PSMD2: variants seen among roughly 807,000 people sequenced by gnomAD.
PSMD2 encodes 26S proteasome non-ATPase regulatory subunit 2.
Under a neutral mutation model 101.5 loss-of-function variants are expected in PSMD2, and 8 were observed. The observed-to-expected ratio is 0.08, with a 90% CI of 0.05 to 0.14. The LOEUF (loss-of-function observed/expected upper bound fraction) is 0.14. Ranked by LOEUF, PSMD2 falls within the 10% of genes least tolerant of loss-of-function variation. The probability of loss-of-function intolerance (pLI) is 1.00; values close to 1 mark genes in which losing one functional copy is unlikely to be tolerated. For synonymous variants in PSMD2, 418 were observed against 433.8 expected (o/e 0.96, Z 0.45); for missense variants, 784 against 1,147.4 (o/e 0.68, Z 4.58).
At chr3:184,307,117 G>A (rs1651415646) in intron 16 of PSMD2, among the ~76,000 whole-genome samples, 2 of 151,772 alleles carry the variant, frequency 1.3e-5, no homozygotes, top group Admixed American at 1.3e-4. Flanking sequence ...GCTAATTTTT[G>A]TATTTTTAGT....
rs368226594 is a variant in PSMD2 at position 184,307,993 on chromosome 3, T to A, written c.2402T>A (p.Val801Asp). 3.7e-6 allele frequency: 6 copies of A among 1,613,990 alleles called. No homozygotes were observed. Among genetic ancestry groups the A allele is most frequent in the Non-Finnish European group, 5.1e-6 (6 of 1,180,030 alleles). Residue 801 changes from valine (V) to aspartate (D), a missense_variant, in exon 19 of 21, where the codon GTC becomes GAC. Transcript: ENST00000310118. ...VAVAGLLTVL[V>D]SFLDVRNIIL... is the part of the protein sequence containing the mutation. ...GTGGCTGGACTGCTCACTGTGCTTG[T>A]CTCTTTCCTGGATGTTCGAAACAGT...
chr3:184,308,570 G>A lies in PSMD2; in HGVS notation c.2544+3G>A. ...CAGTGTCTGTCCGTGTGGGCCAGGT[G>A]AGAGGCTGAGTAGAGGGGAGGGCTC... On this transcript the variant is annotated splice_donor_region_variant and intron_variant, in intron 20 of 20. Coordinates refer to ENST00000310118, the MANE Select transcript of PSMD2 (RefSeq NM_002808.5). The surrounding 1 kb of genome is among the most constrained non-coding windows in gnomAD (Gnocchi z 6.0). The A allele has an allele frequency of 6.2e-7, 1 of 1,610,314 alleles. No homozygotes were observed. Among genetic ancestry groups the A allele is most frequent in the Non-Finnish European group, 8.5e-7 (1 of 1,176,742 alleles).
intron 1 of PSMD2, 139 bp downstream of exon 1, chr3:184,299,540 C>G (rs745546156): frequency 5.2e-6 from 6 of 1,150,672 alleles, no homozygotes; most frequent in Non-Finnish European, 6.8e-6. Flanking sequence ...ACTCCCGGCA[C>G]CTTGCCTCTC....
intron 3 of PSMD2, 25 bp from the exon 4 acceptor site, chr3:184,301,512 C>T (rs1169439632): frequency 6.2e-7 from 1 of 1,612,104 alleles, no homozygotes; most frequent in African/African-American, 1.3e-5. Flanking sequence ...CTGGGTTTGA[C>T]TTCAAAGAAC....
rs1721723672 is a variant in PSMD2 at position 184,303,551 on chromosome 3, A to G, written c.1216+85A>G. 3.1e-6 allele frequency: 5 copies of G among 1,605,380 alleles called. No homozygotes were observed. In the Admixed American group the frequency reaches 8.4e-5, roughly 27 times the overall value. On this transcript the variant is annotated intron_variant, in intron 9 of 20. Transcript: ENST00000310118. ...GGAGTCATAAGTTATCTGACAAGGG[A>G]TCCACCATGCAGTTCTTTGGAGAGC...
chr3:184,305,672 A>C, intron 12 of PSMD2, 96 bp from the exon 13 acceptor site: 2 of 1,105,512 alleles, frequency 1.8e-6, no homozygotes, highest in Non-Finnish European at 2.6e-6. Flanking sequence ...ATTAGGGAGA[A>C]TATCTTGCAG....
intron 17 of PSMD2, 36 bp from the exon 18 acceptor site, chr3:184,307,578 C>T (rs376314563): frequency 1.4e-4 from 230 of 1,613,848 alleles, no homozygotes; most frequent in Non-Finnish European, 1.8e-4. Flanking sequence ...GATTTGAAGC[C>T]CCTTTTTTCA....
intron 8 of PSMD2, 63 bp from the exon 9 acceptor site, chr3:184,303,255 CTG>C (rs1721710279): frequency 1.9e-6 from 3 of 1,572,292 alleles, no homozygotes; most frequent in Middle Eastern, 2.1e-4. Context: ...AGTTGCCATG[CTG>C]TGTTTCTTTC....
In PSMD2 at chr3:184,303,752, T is replaced by G; in HGVS notation, c.1323+3T>G. 1.2e-6 allele frequency: 2 copies of G among 1,614,064 alleles called. No homozygotes were observed. The highest frequency in any genetic ancestry group is 1.7e-6 in the Non-Finnish European group (2 of 1,179,858). On this transcript the variant is annotated splice_donor_region_variant and intron_variant, in intron 10 of 20. Coordinates refer to ENST00000310118, the MANE Select transcript of PSMD2 (RefSeq NM_002808.5). ...ACTCCTCTGAGGACTACATTAAGGT[T>G]GGTCTGCATACAGCCTGCTCATGGG... is the stretch of plus-strand genomic sequence containing the variant.
At chr3:184,307,277 T>C (rs1046080203) in intron 16 of PSMD2, 80 bp from the exon 17 acceptor site, 13 of 1,497,856 alleles carry the variant, frequency 8.7e-6, no homozygotes, top group Non-Finnish European at 1.2e-5. Flanking sequence ...AAGGCCCCCT[T>C]TTACCCATCA....
intron 8 of PSMD2, 43 bp from the exon 9 acceptor site, chr3:184,303,277 C>T (rs1460477120): frequency 6.3e-7 from 1 of 1,596,458 alleles, no homozygotes; most frequent in Non-Finnish European, 8.5e-7. Flanking sequence ...CCTGTCCTAC[C>T]TGAAACCTTC....
rs766568572 is a variant in PSMD2 at position 184,302,669 on chromosome 3, C to G, written c.864-10C>G. On this transcript the variant is annotated splice_polypyrimidine_tract_variant and intron_variant, in intron 6 of 20. Coordinates refer to ENST00000310118, the MANE Select transcript of PSMD2 (RefSeq NM_002808.5). Reference sequence around the variant, plus strand: ...ACAGTGATGAGCAGATGTACGGGCTCTCTCCACAGGGTAGTACAGAAACAG... The same window carrying G: ...ACAGTGATGAGCAGATGTACGGGCTGTCTCCACAGGGTAGTACAGAAACAG... The G allele has an allele frequency of 2.2e-5, 35 of 1,613,956 alleles. No individual in the cohort carries two copies. Among genetic ancestry groups the G allele is most frequent in the Non-Finnish European group, 2.7e-5 (32 of 1,180,034 alleles).
chr3:184,300,295 C>T lies in PSMD2; in HGVS notation c.208C>T (p.Leu70=), dbSNP rs752474741. 1.2e-6 allele frequency: 2 copies of T among 1,613,834 alleles called. No individual in the cohort carries two copies. Among genetic ancestry groups the T allele is most frequent in the South Asian group, 1.1e-5 (1 of 91,066 alleles). The part of the protein sequence containing the change: ...VERLGEKDTS[L]YRPALEELRR... The stretch of plus-strand genomic sequence containing the variant: ...TCTTGATCAGGAGAAGGATACATCC[C>T]TGTATCGACCAGCGCTGGAGGAATT... Residue 70 remains leucine, a synonymous_variant, in exon 3 of 21, where the codon CTG becomes TTG. Transcript: ENST00000310118.
chr3:184,300,299 A>G lies in PSMD2; in HGVS notation c.212A>G (p.Tyr71Cys), dbSNP rs1577154880. The G allele has an allele frequency of 1.1e-5, 17 of 1,613,934 alleles. No homozygotes were observed. The East Asian group carries it at 2.0e-4, about 19-fold the overall frequency. ...GATCAGGAGAAGGATACATCCCTGT[A>G]TCGACCAGCGCTGGAGGAATTGCGA... ...ERLGEKDTSL[Y>C]RPALEELRRQ... Residue 71 changes from tyrosine to cysteine, a missense_variant, in exon 3 of 21, where the codon TAT becomes TGT. Coordinates refer to ENST00000310118, the MANE Select transcript of PSMD2 (RefSeq NM_002808.5).
At chr3:184,300,755 C>A in intron 3 of PSMD2, 1 of 737,764 alleles carries the variant, frequency 1.4e-6, no homozygotes, top group Non-Finnish European at 1.7e-6. Flanking sequence ...AAATATGTTC[C>A]ACATTCAGTC....
intron 3 of PSMD2, 66 bp downstream of exon 3, chr3:184,300,510 G>C (rs540501684): frequency 3.9e-6 from 6 of 1,554,890 alleles, no homozygotes; most frequent in Non-Finnish European, 4.4e-6. Context: ...ATCATGGGGG[G>C]ACTCATTGTG....
chr3:184,301,476 A>G (rs1232090099), intron 3 of PSMD2, 61 bp from the exon 4 acceptor site: 2 of 1,593,584 alleles, frequency 1.3e-6, no homozygotes, highest in African/African-American at 1.3e-5. Context: ...TGATTCCACA[A>G]TGCATGCTCC....
At chr3:184,306,635 A>T in intron 15 of PSMD2, 116 bp from the exon 16 acceptor site, 1 of 1,516,682 alleles carries the variant, frequency 6.6e-7, no homozygotes, top group East Asian at 2.3e-5. Context: ...TTCTGTATGT[A>T]AGGGGTAAAG....
At position 184,301,560 on chromosome 3, in the gene PSMD2, C is replaced by T. The variant is rs374854311; in HGVS notation, c.381C>T (p.Ser127=). Residue 127 remains serine (S), a synonymous_variant, in exon 4 of 21, where the codon TCC becomes TCT. Coordinates refer to ENST00000310118, the MANE Select transcript of PSMD2 (RefSeq NM_002808.5). Reference sequence around the variant, plus strand: ...AGCGTTTTGCTGCTGACATCATCTCCGTTTTGGCCATGACCATGAGTGGGG... The same window carrying T: ...AGCGTTTTGCTGCTGACATCATCTCTGTTTTGGCCATGACCATGAGTGGGG... ...ENKRFAADII[S]VLAMTMSGER... 19 of 1,613,860 alleles carry T rather than the reference C, an allele frequency of 1.2e-5. 1 individual carries two copies. The highest frequency in any genetic ancestry group is 7.7e-5 in the South Asian group (7 of 91,066).
Sources: allele counts gnomAD v4.1 joint callset (sites outside exome capture counted in the v4.1 genomes callset), GRCh38; gene constraint gnomAD v4.1.1; non-coding constraint Gnocchi (gnomAD v3.1); transcripts MANE v1.5; gene names NCBI Gene and HGNC (gene_info 2026-07-23, HGNC 2026-07-21).